The following GLDC variants were observed in gnomAD, a reference collection of about 807,000 sequenced individuals.
The protein encoded by GLDC is glycine dehydrogenase (decarboxylating), mitochondrial.
A neutral mutation model predicts 121.3 loss-of-function variants in GLDC; 104 were observed. The observed-to-expected ratio is 0.86, with a 90% confidence interval of 0.73 to 1.01. GLDC has a LOEUF of 1.01. Ranked by LOEUF, GLDC falls within the 50% of genes least tolerant of loss-of-function variation. The probability of loss-of-function intolerance (pLI) is 0.00; values close to 1 mark genes in which losing one functional copy is unlikely to be tolerated. For missense variants in GLDC, 1,429 were observed against 1,306.6 expected (o/e 1.09, Z -1.44); for synonymous variants, 546 against 480.6 (o/e 1.14, Z -1.78).
intron 8 of GLDC, among the ~76,000 whole-genome samples, chr9:6,600,349 T>C (rs1818579934): frequency 6.8e-6 from 1 of 146,244 alleles, no homozygotes; most frequent in East Asian, 2.0e-4. Context: ...CACTCCAGAA[T>C]GGACAACAGA....
At chr9:6,560,120 T>C (rs1203344087) in intron 16 of GLDC, among the ~76,000 whole-genome samples, 1 of 152,212 alleles carries the variant, frequency 6.6e-6, no homozygotes, top group Non-Finnish European at 1.5e-5. Flanking sequence ...CAGGCTCTTG[T>C]AGAACTGACG....
At chr9:6,629,720 T>C (rs1030857812) in intron 2 of GLDC, among the ~76,000 whole-genome samples, 4 of 151,684 alleles carry the variant, frequency 2.6e-5, no homozygotes, top group African/African-American at 9.7e-5. Flanking sequence ...GTATTCAGGT[T>C]TTGCTTTTTG....
chr9:6,642,864 A>G (rs1453342740), intron 2 of GLDC, among the ~76,000 whole-genome samples: 1 of 151,988 alleles, frequency 6.6e-6, no homozygotes, highest in East Asian at 1.9e-4. Context: ...CTCTTCACAC[A>G]TCAAATGAAT....
At chr9:6,629,929 C>CTATATATATATATATGTATATATATATA (rs1184989107) in intron 2 of GLDC, among the ~76,000 whole-genome samples, 1 of 102,166 alleles carries the variant, frequency 9.8e-6, no homozygotes. Flanking sequence ...TTGCTTTTCA[C>CTATATATATATATATGTATATATATATA]TATATATATA....
intron 21 of GLDC, 44 bp downstream of exon 21, chr9:6,550,759 C>T (rs983551291): frequency 2.2e-6 from 3 of 1,337,212 alleles, no homozygotes; most frequent in Non-Finnish European, 3.2e-6. Flanking sequence ...TTAGTTTGGC[C>T]AAGAAAAAAA....
chr9:6,533,274 T>C, intron 24 of GLDC, 114 bp from the exon 25 acceptor site: 1 of 914,586 alleles, frequency 1.1e-6, no homozygotes. Context: ...CCAGCAAATA[T>C]TCTGAGAACC....
At chr9:6,579,741 T>C (rs1047310059) in intron 15 of GLDC, among the ~76,000 whole-genome samples, 10 of 152,172 alleles carry the variant, frequency 6.6e-5, no homozygotes, top group Admixed American at 5.2e-4. Flanking sequence ...GAGATCGAAG[T>C]TGTATTGCTA....
intron 3 of GLDC, among the ~76,000 whole-genome samples, chr9:6,616,090 T>A (rs1818962556): frequency 6.6e-6 from 1 of 152,202 alleles, no homozygotes; most frequent in Non-Finnish European, 1.5e-5. Flanking sequence ...CAAGCCACCA[T>A]GCCTGGCTTA....
chr9:6,554,785 C>A lies in GLDC; in HGVS notation c.2203-4G>T. 1 of 1,608,496 alleles carries A rather than the reference C, an allele frequency of 6.2e-7. No individual in the cohort carries two copies. Reference sequence around the variant, plus strand: ...CTCCAGGGCGACAGATTCCCACCTACCACAAAGGCAAGGGCCAAAAGCAAA... The same window carrying A: ...CTCCAGGGCGACAGATTCCCACCTAACACAAAGGCAAGGGCCAAAAGCAAA... On this transcript the variant is annotated splice_region_variant and splice_polypyrimidine_tract_variant and intron_variant, in intron 18 of 24. Coordinates refer to ENST00000321612, the MANE Select transcript of GLDC (RefSeq NM_000170.3).
intron 16 of GLDC, among the ~76,000 whole-genome samples, chr9:6,561,180 C>T (rs1817750760): frequency 1.3e-5 from 2 of 152,176 alleles, no homozygotes; most frequent in South Asian, 2.1e-4. Context: ...AGAAATTTAT[C>T]ATAGCAGCCA....
At chr9:6,580,737 C>T (rs1261651298) in intron 15 of GLDC, among the ~76,000 whole-genome samples, 5 of 152,216 alleles carry the variant, frequency 3.3e-5, no homozygotes, top group Admixed American at 3.3e-4. Context: ...AGGCAGCAAG[C>T]CCATCTGCTC....
At chr9:6,556,775 CAGAG>C (rs777767873) in intron 17 of GLDC, among the ~76,000 whole-genome samples, 1 of 144,422 alleles carries the variant, frequency 6.9e-6, no homozygotes, top group Non-Finnish European at 1.5e-5. Context: ...GCTTGGACAA[CAGAG>C]AGAGACTCCA....
At chr9:6,587,620 C>A (rs190378027) in intron 14 of GLDC, among the ~76,000 whole-genome samples, 13 of 152,218 alleles carry the variant, frequency 8.5e-5, no homozygotes, top group African/African-American at 3.1e-4. Context: ...TCTTATATAG[C>A]AATAGATTGT....
At chr9:6,622,486 C>T (rs1007101600) in intron 2 of GLDC, among the ~76,000 whole-genome samples, 112 of 151,472 alleles carry the variant, frequency 7.4e-4, no homozygotes, top group African/African-American at 2.4e-3. Context: ...GCGAGTGATC[C>T]GCCAGCCTCG....
chr9:6,638,913 G>A (rs756868359), intron 2 of GLDC, among the ~76,000 whole-genome samples: 2 of 152,014 alleles, frequency 1.3e-5, no homozygotes, highest in African/African-American at 4.8e-5. Flanking sequence ...GGAGGCTCAG[G>A]CAGGAGAATC....
intron 7 of GLDC, 139 bp downstream of exon 7, chr9:6,604,449 C>G (rs1818688653): frequency 1.2e-6 from 1 of 829,404 alleles, no homozygotes; most frequent in South Asian, 1.6e-5. Flanking sequence ...CAGAATTGTT[C>G]TTCTGAATCT....
At chr9:6,550,955 C>T in intron 20 of GLDC, 41 bp from the exon 21 acceptor site, 2 of 1,312,444 alleles carry the variant, frequency 1.5e-6, no homozygotes, top group Non-Finnish European at 2.2e-6. Context: ...ATTGAACAGG[C>T]AAACACGAAT....
At chr9:6,600,008 G>A (rs911208794) in intron 8 of GLDC, among the ~76,000 whole-genome samples, 3 of 152,110 alleles carry the variant, frequency 2.0e-5, no homozygotes, top group Non-Finnish European at 4.4e-5. Flanking sequence ...GCCCTGAGAC[G>A]AAAGAGCACT....
intron 8 of GLDC, among the ~76,000 whole-genome samples, chr9:6,595,844 A>T (rs1818484106): frequency 1.3e-5 from 2 of 152,178 alleles, no homozygotes; most frequent in South Asian, 4.1e-4. Flanking sequence ...AATACAGTTG[A>T]TGTTCAATAC....
Sources: gnomAD v4.1 joint callset for allele counts (sites outside exome capture counted in the v4.1 genomes callset) on GRCh38, gnomAD v4.1.1 for gene constraint, MANE v1.5 for transcripts, NCBI Gene and HGNC (gene_info 2026-07-23, HGNC 2026-07-21) for gene names.